The following HDAC4 variants were observed in gnomAD, a reference collection of about 807,000 sequenced individuals.
HDAC4 encodes the protein histone deacetylase 4.
HDAC4 carries 16 observed loss-of-function variants against 135.1 expected under a neutral mutation model. The observed-to-expected ratio is 0.12, with a 90% CI of 0.08 to 0.18. HDAC4 has a LOEUF of 0.18. Among genes scored for constraint, HDAC4 ranks in the 10% least tolerant of loss-of-function variants. HDAC4 has a pLI of 1.00. For synonymous variants in HDAC4, 685 were observed against 653.4 expected, an observed-to-expected ratio of 1.05 and a Z score of -0.74; for missense variants, 1,143 against 1,511.8, an observed-to-expected ratio of 0.76 and a Z score of 4.05.
chr2:239,401,582 A>G (rs1697001179), upstream of HDAC4: 1 of 237,032 alleles, frequency 4.2e-6, no homozygotes, highest in African/African-American at 2.4e-5. Context: ...TAGAGGGCAC[A>G]CAATGGGGTG....
chr2:239,185,540 T>C (rs1250608162), intron 4 of HDAC4, among the ~76,000 whole-genome samples: 1 of 151,984 alleles, frequency 6.6e-6, no homozygotes, highest in African/African-American at 2.4e-5. Flanking sequence ...GCCCTGTGCC[T>C]CCTGGGGAGA....
In HDAC4 at chr2:239,055,940, G is replaced by A. The variant is rs79066204; in HGVS notation, c.3004-1107C>T. Among the ~76,000 whole-genome samples the A allele has an allele frequency of 2.8e-3, 425 of 152,326 alleles. 2 individuals carry two copies. The highest frequency in any genetic ancestry group is 7.9e-3 in the African/African-American group (328 of 41,568). Reference sequence around the variant, plus strand: ...CACTGTCAGGACAGGACGGGTGAGCGAGGACAGACGCACGACGACGTGTCA... The same window carrying A: ...CACTGTCAGGACAGGACGGGTGAGCAAGGACAGACGCACGACGACGTGTCA... On this transcript the variant is annotated intron_variant, in intron 24 of 26. Coordinates refer to ENST00000543185, the MANE Select transcript of HDAC4 (RefSeq NM_001378414.1).
intron 3 of HDAC4, among the ~76,000 whole-genome samples, chr2:239,215,249 A>G (rs1575429640): frequency 6.6e-6 from 1 of 152,094 alleles, no homozygotes; most frequent in Admixed American, 6.5e-5. Flanking sequence ...GGGGCGGGGG[A>G]AGGTACCAGG....
rs1007453963 is a variant in HDAC4 at position 239,299,205 on chromosome 2, C to G, written c.22+53473G>C. On this transcript the variant is annotated intron_variant, in intron 2 of 26. Coordinates refer to ENST00000543185, the MANE Select transcript of HDAC4 (RefSeq NM_001378414.1). This position sits in a 1 kb window ranked among gnomAD's most constrained non-coding sequence, Gnocchi z 4.0. ...TATTCCAAATATCCAAAACCTGGAA[C>G]TGGGGGCAGCCTGCCACCATGAATA... 6.6e-6 allele frequency among the ~76,000 whole-genome samples: 1 copy of G among 152,144 alleles called. No individual in the cohort carries two copies. The highest frequency in any genetic ancestry group is 6.5e-5 in the Admixed American group (1 of 15,274).
Position 239,048,259 on chromosome 2 carries a change from G to A in HDAC4, c.*4838C>T, listed in dbSNP as rs2030247362. 1 of 152,302 alleles carries A rather than the reference G, an allele frequency of 6.6e-6. No homozygotes were observed. Among genetic ancestry groups the A allele is most frequent in the Non-Finnish European group, 1.5e-5 (1 of 68,060 alleles). 9.4% of individuals were successfully genotyped at this position (152,302 alleles called of 1,614,324 possible). Reference sequence around the variant, plus strand: ...ATACTGGACTCCAGTGAAGTGGAAAGAAGGTGACCGTCAGAAGAGGATATC... The same window carrying A: ...ATACTGGACTCCAGTGAAGTGGAAAAAAGGTGACCGTCAGAAGAGGATATC... On this transcript the variant is annotated 3_prime_UTR_variant, in exon 27 of 27. Transcript: ENST00000543185.
At chr2:239,298,292 C>T in intron 2 of HDAC4, 1 of 1,254,460 alleles carries the variant, frequency 8.0e-7, no homozygotes, top group African/African-American at 1.6e-5. Flanking sequence ...CAAGCGGTGG[C>T]TTCCAGAAGC....
chr2:239,101,914 C>A (rs1347026244), intron 16 of HDAC4, among the ~76,000 whole-genome samples: 4 of 150,316 alleles, frequency 2.7e-5, no homozygotes, highest in Non-Finnish European at 4.4e-5. Context: ...GAGCCCCCGG[C>A]CCCGGGTCTG....
At chr2:239,055,042 A>C (rs553763581) in intron 24 of HDAC4, 25 of 495,260 alleles carry the variant, frequency 5.0e-5, no homozygotes, top group Non-Finnish European at 7.8e-5. Flanking sequence ...TTAGGACGCT[A>C]TAAGATATTT....
chr2:239,234,048 C>T (rs2047745541), intron 3 of HDAC4, among the ~76,000 whole-genome samples: 1 of 152,156 alleles, frequency 6.6e-6, no homozygotes, highest in African/African-American at 2.4e-5. Flanking sequence ...CAGTTATCAC[C>T]TAACCTGAGA....
At chr2:239,304,542 T>A (rs1359382496) in intron 2 of HDAC4, among the ~76,000 whole-genome samples, 2 of 152,212 alleles carry the variant, frequency 1.3e-5, no homozygotes, top group Non-Finnish European at 2.9e-5. Context: ...GAGTTGCTTA[T>A]GCCTGCGTAA....
At chr2:239,184,560 T>C (rs1559194079) in intron 4 of HDAC4, among the ~76,000 whole-genome samples, 1 of 132,300 alleles carries the variant, frequency 7.6e-6, no homozygotes, top group Non-Finnish European at 1.6e-5. Context: ...TCCCTCAGTG[T>C]CTGTCCTGGA....
intron 3 of HDAC4, among the ~76,000 whole-genome samples, chr2:239,208,375 T>A (rs1326208206): frequency 2.0e-5 from 3 of 147,956 alleles, no homozygotes; most frequent in Non-Finnish European, 4.5e-5. Flanking sequence ...AAGCAACCTA[T>A]GTACAAACCA....
chr2:239,085,386 T>C (rs999739082), intron 19 of HDAC4, among the ~76,000 whole-genome samples: 1 of 152,228 alleles, frequency 6.6e-6, no homozygotes, highest in Non-Finnish European at 1.5e-5. Flanking sequence ...GGAGAAACAC[T>C]AGTTGTTTTG....
At chr2:239,186,610 G>C (rs1488659490) in intron 4 of HDAC4, 1 of 152,284 alleles carries the variant, frequency 6.6e-6, no homozygotes, top group Non-Finnish European at 1.5e-5. Flanking sequence ...CTCTCAGAGG[G>C]TGATGGGGTG....
intron 2 of HDAC4, among the ~76,000 whole-genome samples, chr2:239,339,423 C>T (rs1262649861): frequency 2.0e-5 from 3 of 152,348 alleles, no homozygotes; most frequent in Admixed American, 6.5e-5. Context: ...GGACACAGAG[C>T]CACCCCTGGG....
rs10168537 is a variant in HDAC4 at position 239,116,588 on chromosome 2, G to A, written c.1534-1278C>T. Among the ~76,000 whole-genome samples the A allele has an allele frequency of 7.7e-3, 1,169 of 152,304 alleles. 16 individuals carry two copies. The highest frequency in any genetic ancestry group is 0.026 in the African/African-American group (1,080 of 41,566). Reference sequence around the variant, plus strand: ...GGAGGCCCCCACCTCCAGCGTCAACGCTTTGCAATCTTCTTCATGTAGCAG... The same window carrying A: ...GGAGGCCCCCACCTCCAGCGTCAACACTTTGCAATCTTCTTCATGTAGCAG... On this transcript the variant is annotated intron_variant, in intron 12 of 26. Transcript: ENST00000543185.
intron 1 of HDAC4, among the ~76,000 whole-genome samples, chr2:239,373,546 C>T (rs1694784105): frequency 6.6e-6 from 1 of 151,832 alleles, no homozygotes; most frequent in Non-Finnish European, 1.5e-5. Context: ...TCGGCTCAAC[C>T]TCCACCTCCC....
intron 22 of HDAC4, among the ~76,000 whole-genome samples, chr2:239,073,383 C>T (rs1372800983): frequency 6.6e-6 from 1 of 152,234 alleles, no homozygotes; most frequent in Non-Finnish European, 1.5e-5. Context: ...CTTCCTGCCA[C>T]GGGTCAGATA....
At chr2:239,186,487 G>A (rs1054158596) in intron 4 of HDAC4, 1 of 152,204 alleles carries the variant, frequency 6.6e-6, no homozygotes, top group African/African-American at 2.4e-5. Flanking sequence ...TTTTAATGAA[G>A]AAATAAATGA....
Sources: allele counts gnomAD v4.1 joint callset (sites outside exome capture counted in the v4.1 genomes callset), GRCh38; gene constraint gnomAD v4.1.1; non-coding constraint Gnocchi (gnomAD v3.1); transcripts MANE v1.5; gene names NCBI Gene and HGNC (gene_info 2026-07-23, HGNC 2026-07-21).